The following ZFPM2 variants were observed in gnomAD, a reference collection of about 807,000 sequenced individuals.
ZFPM2 encodes the protein zinc finger protein ZFPM2.
A neutral mutation model predicts 98.6 loss-of-function variants in ZFPM2; 20 were observed. The ratio of observed to expected loss-of-function variants is 0.20; its 90% CI spans 0.14 to 0.29. The LOEUF is 0.29. Ranked by LOEUF, ZFPM2 falls within the 10% of genes least tolerant of loss-of-function variation. The pLI, the probability that ZFPM2 is intolerant of heterozygous loss-of-function variation, is 1.00. For missense variants in ZFPM2, 1,310 were observed against 1,388.6 expected (o/e 0.94, Z 0.90); for synonymous variants, 518 against 502.7 (o/e 1.03, Z -0.41).
intron 5 of ZFPM2, among the ~76,000 whole-genome samples, chr8:105,659,617 A>G (rs924623405): frequency 5.3e-5 from 8 of 152,264 alleles, no homozygotes; most frequent in African/African-American, 1.9e-4. Context: ...AGGGCTATAC[A>G]GATATTTGTA....
At chr8:105,796,367 G>A (rs1383508728) in intron 6 of ZFPM2, among the ~76,000 whole-genome samples, 1 of 151,372 alleles carries the variant, frequency 6.6e-6, no homozygotes, top group Non-Finnish European at 1.5e-5. Flanking sequence ...TAGATGCAGA[G>A]AGCTTTTGCT....
At chr8:105,510,595 A>G (rs1047063802) in intron 3 of ZFPM2, among the ~76,000 whole-genome samples, 2 of 152,120 alleles carry the variant, frequency 1.3e-5, no homozygotes, top group African/African-American at 4.8e-5. Context: ...AATTCACAGT[A>G]AAGGTCTCTG....
At chr8:105,495,047 A>G (rs1054692931) in intron 3 of ZFPM2, among the ~76,000 whole-genome samples, 4 of 152,226 alleles carry the variant, frequency 2.6e-5, no homozygotes, top group Non-Finnish European at 4.4e-5. Flanking sequence ...CTTAGCTGAT[A>G]GCTATACAAA....
intron 3 of ZFPM2, among the ~76,000 whole-genome samples, chr8:105,513,238 T>C (rs1232958746): frequency 1.3e-5 from 2 of 152,184 alleles, no homozygotes; most frequent in East Asian, 3.9e-4. Context: ...CCCTAGATAT[T>C]TTTTAAGGCC....
At chr8:105,410,794 A>G (rs912279767) in intron 1 of ZFPM2, among the ~76,000 whole-genome samples, 5 of 151,882 alleles carry the variant, frequency 3.3e-5, no homozygotes, top group Admixed American at 1.3e-4. Flanking sequence ...CATAATATAT[A>G]TAAGGAGTTC....
At chr8:105,630,258 T>C (rs1023850745) in intron 4 of ZFPM2, among the ~76,000 whole-genome samples, 5 of 152,212 alleles carry the variant, frequency 3.3e-5, no homozygotes, top group African/African-American at 1.2e-4. Context: ...GTGAACCTAA[T>C]GATCAATGTG....
chr8:105,800,433 G>A (rs1285348577), intron 7 of ZFPM2, among the ~76,000 whole-genome samples: 2 of 151,992 alleles, frequency 1.3e-5, no homozygotes, highest in African/African-American at 4.8e-5. Context: ...GACTATATTA[G>A]TCTACCAGCT....
At chr8:105,614,998 A>C (rs1397924563) in intron 4 of ZFPM2, among the ~76,000 whole-genome samples, 1 of 152,136 alleles carries the variant, frequency 6.6e-6, no homozygotes, top group Non-Finnish European at 1.5e-5. Context: ...AAAACTATTA[A>C]ACTTTCTTCC....
intron 3 of ZFPM2, among the ~76,000 whole-genome samples, chr8:105,502,006 T>C (rs1813606266): frequency 6.6e-6 from 1 of 152,048 alleles, no homozygotes; most frequent in Admixed American, 6.6e-5. Flanking sequence ...TTACTGTATA[T>C]AAAATAAATA....
chr8:105,454,352 C>T (rs982033370), intron 3 of ZFPM2, among the ~76,000 whole-genome samples: 2 of 152,126 alleles, frequency 1.3e-5, no homozygotes, highest in African/African-American at 4.8e-5. Flanking sequence ...AATTCAGATT[C>T]GATATGGTGG....
At chr8:105,408,354 C>T (rs1298361879) in intron 1 of ZFPM2, among the ~76,000 whole-genome samples, 7 of 151,802 alleles carry the variant, frequency 4.6e-5, no homozygotes, top group Admixed American at 2.0e-4. Context: ...GGTACTGAAT[C>T]GAGGTAGCTT....
intron 3 of ZFPM2, among the ~76,000 whole-genome samples, chr8:105,485,882 CT>C (rs1813221680): frequency 6.6e-6 from 1 of 152,146 alleles, no homozygotes; most frequent in South Asian, 2.1e-4. Flanking sequence ...GCGATTTAAG[CT>C]TCTTTTTTGT....
In ZFPM2 at chr8:105,801,101, G is replaced by A; in HGVS notation, c.1019G>A (p.Cys340Tyr). 1 of 1,613,930 alleles carries A rather than the reference G, an allele frequency of 6.2e-7. No homozygotes were observed. The highest frequency in any genetic ancestry group is 8.5e-7 in the Non-Finnish European group (1 of 1,179,870). ...PPGASLKCTV[C>Y]SYTADSVINF... ...GGTGCTAGTCTAAAATGCACCGTCT[G>A]TAGCTACACTGCTGATTCCGTGATC... Residue 340 changes from cysteine (C) to tyrosine (Y), a missense_variant, in exon 8 of 8, where the codon TGT becomes TAT. Coordinates refer to ENST00000407775, the MANE Select transcript of ZFPM2 (RefSeq NM_012082.4).
At chr8:105,693,852 C>T (rs926112494) in intron 5 of ZFPM2, among the ~76,000 whole-genome samples, 1 of 151,684 alleles carries the variant, frequency 6.6e-6, no homozygotes, top group Non-Finnish European at 1.5e-5. Flanking sequence ...ATCAAATCAG[C>T]GTATTTAAGA....
intron 3 of ZFPM2, among the ~76,000 whole-genome samples, chr8:105,498,669 G>A (rs762795684): frequency 6.6e-6 from 1 of 152,208 alleles, no homozygotes; most frequent in Non-Finnish European, 1.5e-5. Context: ...AGGGAGATGT[G>A]GAGGGAAGAG....
chr8:105,467,488 A>T (rs1343290647), intron 3 of ZFPM2, among the ~76,000 whole-genome samples: 3 of 152,078 alleles, frequency 2.0e-5, no homozygotes, highest in African/African-American at 7.2e-5. Flanking sequence ...GCGAGTTAGG[A>T]ATCTTTACTG....
At chr8:105,652,020 G>A (rs1197792059) in intron 5 of ZFPM2, among the ~76,000 whole-genome samples, 1 of 152,038 alleles carries the variant, frequency 6.6e-6, no homozygotes, top group Non-Finnish European at 1.5e-5. Context: ...GCATGGCAGT[G>A]TATACAAGAA....
intron 1 of ZFPM2, among the ~76,000 whole-genome samples, chr8:105,352,759 C>A (rs1171761224): frequency 3.9e-5 from 6 of 152,052 alleles, no homozygotes; most frequent in African/African-American, 1.4e-4. Flanking sequence ...TTTTGTCCTG[C>A]ATTGTTGTAA....
At chr8:105,731,053 C>A (rs903050955) in intron 5 of ZFPM2, among the ~76,000 whole-genome samples, 1 of 151,390 alleles carries the variant, frequency 6.6e-6, no homozygotes, top group Admixed American at 6.6e-5. Flanking sequence ...ACTGAGAGAG[C>A]AAAATAAAAC....
Sources: gnomAD v4.1 joint callset for allele counts (sites outside exome capture counted in the v4.1 genomes callset) on GRCh38, gnomAD v4.1.1 for gene constraint, MANE v1.5 for transcripts, NCBI Gene and HGNC (gene_info 2026-07-23, HGNC 2026-07-21) for gene names.